RFWD3: variants seen among roughly 807,000 people sequenced by gnomAD.
RFWD3 encodes E3 ubiquitin-protein ligase RFWD3.
In RFWD3, 65 loss-of-function variants were observed where a neutral mutation model predicts 87.7. The observed-to-expected ratio is 0.74, with a 90% CI of 0.61 to 0.91. RFWD3 has a LOEUF of 0.91. Among genes scored for constraint, RFWD3 ranks in the 40% least tolerant of loss-of-function variants. The pLI is 0.00. For synonymous variants in RFWD3, 433 were observed against 352.8 expected, an observed-to-expected ratio of 1.23 and a Z score of -2.55; for missense variants, 1,078 against 938.5, an observed-to-expected ratio of 1.15 and a Z score of -1.94.
chr16:74,656,308 C>CAAAAAAAAAACA (rs1960978108), intron 2 of RFWD3, among the ~76,000 whole-genome samples: 1 of 64,222 alleles, frequency 1.6e-5, no homozygotes. Flanking sequence ...CTTGTCTTGC[C>CAAAAAAAAAACA]AAAAAAAAAA....
chr16:74,639,492 T>A (rs904406399), intron 6 of RFWD3, among the ~76,000 whole-genome samples: 4 of 152,328 alleles, frequency 2.6e-5, no homozygotes, highest in African/African-American at 9.6e-5. Flanking sequence ...AGGCAGGATC[T>A]TTATGAAGCA....
intron 2 of RFWD3, among the ~76,000 whole-genome samples, chr16:74,653,460 G>C (rs1401673893): frequency 1.3e-5 from 2 of 151,464 alleles, no homozygotes; most frequent in African/African-American, 2.4e-5. Context: ...CTGCACTCCA[G>C]CCTAGGTGGC....
At position 74,636,340 on chromosome 16, in the gene RFWD3, C is replaced by T. The variant is rs751460444; in HGVS notation, c.1426+6G>A. ...AACATGAAAGCTGAGGTTCTAGACT[C>T]TTTACCTGGAAGAAAAGAGGCCTGA... On this transcript the variant is annotated splice_donor_region_variant and intron_variant, in intron 8 of 12. Transcript: ENST00000361070. 3.0e-5 allele frequency: 48 copies of T among 1,612,636 alleles called. 2 individuals are homozygous for T. The South Asian group carries it at 5.2e-4, about 17-fold the overall frequency.
rs776453305 is a variant in RFWD3, at chr16:74,652,144, G to A, written c.519-22C>T. 5.1e-5 allele frequency: 82 copies of A among 1,598,948 alleles called. 3 individuals are homozygous for A. In the Middle Eastern group the frequency reaches 6.9e-3, roughly 135 times the overall value. On this transcript the variant is annotated intron_variant, in intron 2 of 12. Coordinates refer to ENST00000361070, the MANE Select transcript of RFWD3 (RefSeq NM_018124.4). The stretch of plus-strand genomic sequence containing the variant: ...CAACCTATGTACACAGAAAGACAAC[G>A]GAATTATAGTACAATGAACTATCAT...
At chr16:74,662,808 G>A (rs1037552215) in intron 1 of RFWD3, among the ~76,000 whole-genome samples, 1 of 152,186 alleles carries the variant, frequency 6.6e-6, no homozygotes, top group African/African-American at 2.4e-5. Flanking sequence ...GGCTATTGTG[G>A]GAGTCCAGAC....
rs757557494 is a variant in RFWD3, at chr16:74,632,548, G to C, written c.1552C>G (p.Leu518Val). 1 of 1,613,870 alleles carries C rather than the reference G, an allele frequency of 6.2e-7. No homozygotes were observed. The highest frequency in any genetic ancestry group is 8.5e-7 in the Non-Finnish European group (1 of 1,179,908). Residue 518 changes from leucine to valine, a missense_variant, in exon 9 of 13, where the codon CTA becomes GTA. Leu to Val is a conservative substitution (Grantham distance 32). Transcript: ENST00000361070. ...YLRGLLLSAS[L>V]DNTIKLTSLE... ...CTGGTCAGTTTAATAGTGTTGTCTA[G>C]GGAAGCAGAGAGTAGCAAGCCTCTG...
intron 1 of RFWD3, chr16:74,664,517 G>GAGGC (rs1055553406): frequency 2.6e-5 from 4 of 152,276 alleles, no homozygotes; most frequent in African/African-American, 9.6e-5. Flanking sequence ...TTGGGAGACT[G>GAGGC]AGGCAGGTAG....
At chr16:74,664,646 G>C (rs1961734854) in intron 1 of RFWD3, 1 of 152,260 alleles carries the variant, frequency 6.6e-6, no homozygotes, top group Non-Finnish European at 1.5e-5. Flanking sequence ...CTACTTGGGA[G>C]GCTGAGGCAG....
intron 2 of RFWD3, among the ~76,000 whole-genome samples, chr16:74,659,942 T>C (rs1217860652): frequency 6.6e-6 from 1 of 152,022 alleles, no homozygotes; most frequent in Non-Finnish European, 1.5e-5. Flanking sequence ...TCCCAGTTAA[T>C]CATCAAGAGG....
intron 3 of RFWD3, among the ~76,000 whole-genome samples, chr16:74,651,123 A>C (rs1960528344): frequency 6.6e-6 from 1 of 152,166 alleles, no homozygotes; most frequent in South Asian, 2.1e-4. Context: ...ATAATCCAAG[A>C]ATATTCTTTC....
intron 1 of RFWD3, among the ~76,000 whole-genome samples, chr16:74,662,897 G>C (rs1961571052): frequency 6.6e-6 from 1 of 151,794 alleles, no homozygotes; most frequent in Non-Finnish European, 1.5e-5. Context: ...TCTTCAGAAT[G>C]GTCATGCTTC....
At position 74,622,751 on chromosome 16, in the gene RFWD3, G is replaced by C. The variant is rs1958805172; in HGVS notation, c.*1177C>G. 1 of 152,182 alleles carries C rather than the reference G, an allele frequency of 6.6e-6. No individual in the cohort carries two copies. The highest frequency in any genetic ancestry group is 1.5e-5 in the Non-Finnish European group (1 of 68,044). 9.4% of individuals were successfully genotyped at this position (152,182 alleles called of 1,614,324 possible). A position where few individuals can be genotyped will look rare whatever the true frequency, so the allele number is the denominator to read the frequency against. On this transcript the variant is annotated 3_prime_UTR_variant, in exon 13 of 13. Transcript: ENST00000361070. ...CATATTCTGTTGTGGAAGTGGGTTG[G>C]CAAAGTAGTCTGAGGCAAGGCAAAG...
rs777416233 is a variant in RFWD3, at chr16:74,623,206, G to C, written c.*722C>G. The C allele has an allele frequency of 6.6e-6, 1 of 152,572 alleles. No homozygotes were observed. The highest frequency in any genetic ancestry group is 1.5e-5 in the Non-Finnish European group (1 of 68,040). The allele number at this position is 152,572 out of a possible 1,614,324, so 9.5% of individuals were successfully genotyped here. ...CAACTGGCCTCTTTCCTTACCTTTCGCAAAGCAATGAACTTAATGCACTAG... is the reference window on the plus strand; with the variant it reads ...CAACTGGCCTCTTTCCTTACCTTTCCCAAAGCAATGAACTTAATGCACTAG... On this transcript the variant is annotated 3_prime_UTR_variant, in exon 13 of 13. Transcript: ENST00000361070.
At chr16:74,655,619 G>GCT (rs139919392) in intron 2 of RFWD3, among the ~76,000 whole-genome samples, 1 of 151,450 alleles carries the variant, frequency 6.6e-6, no homozygotes, top group African/African-American at 2.4e-5. Context: ...TTCTGTCTGT[G>GCT]CTCTCTCTCT....
intron 12 of RFWD3, among the ~76,000 whole-genome samples, chr16:74,624,459 G>C (rs890186090): frequency 2.0e-5 from 3 of 152,120 alleles, no homozygotes; most frequent in African/African-American, 7.2e-5. Context: ...GCAGTGGCAC[G>C]ATCTTGGCTT....
At chr16:74,648,926 TA>T (rs1293181117) in intron 4 of RFWD3, among the ~76,000 whole-genome samples, 2 of 151,522 alleles carry the variant, frequency 1.3e-5, no homozygotes, top group Non-Finnish European at 2.9e-5. Context: ...CTACAAAAAA[TA>T]AAAAATGTAG....
chr16:74,652,242 C>T lies in RFWD3; in HGVS notation c.519-120G>A, dbSNP rs151148478. On this transcript the variant is annotated intron_variant, in intron 2 of 12. Coordinates refer to ENST00000361070, the MANE Select transcript of RFWD3 (RefSeq NM_018124.4). ...CCATCTCCAGGCCATTAAATGCTGC[C>T]TTTGAAAGCTGAAGCAGGTATAGCA... The T allele has an allele frequency of 2.2e-3, 1,883 of 854,234 alleles. 7 individuals are homozygous for T. Among genetic ancestry groups the T allele is most frequent in the Middle Eastern group, 0.012 (40 of 3,252 alleles). 52.9% of individuals were successfully genotyped at this position (854,234 alleles called of 1,614,324 possible).
chr16:74,640,867 A>C (rs752568814), intron 6 of RFWD3, among the ~76,000 whole-genome samples: 1 of 151,902 alleles, frequency 6.6e-6, no homozygotes, highest in Admixed American at 6.6e-5. Context: ...TAAACCCGGG[A>C]GGTGGAGGTT....
At position 74,632,505 on chromosome 16, in the gene RFWD3, C is replaced by G. The variant is rs963701946; in HGVS notation, c.1577+18G>C. On this transcript the variant is annotated intron_variant, in intron 9 of 12. Transcript: ENST00000361070. ...CACCAAAGAGCCCAGTCTCCACCTA[C>G]TTCCCCAAATCACTCACCTGGTCAG... 2 of 1,613,302 alleles carry G rather than the reference C, an allele frequency of 1.2e-6. No individual in the cohort carries two copies. Among genetic ancestry groups the G allele is most frequent in the Non-Finnish European group, 1.7e-6 (2 of 1,179,384 alleles).
Sources: gnomAD v4.1 joint callset for allele counts (sites outside exome capture counted in the v4.1 genomes callset) on GRCh38, gnomAD v4.1.1 for gene constraint, MANE v1.5 for transcripts, NCBI Gene and HGNC (gene_info 2026-07-23, HGNC 2026-07-21) for gene names.